Variants in EPS15 observed in about 807,000 individuals in gnomAD.
EPS15 encodes epidermal growth factor receptor substrate 15.
Under a neutral mutation model 113.8 loss-of-function variants are expected in EPS15, and 72 were observed. The observed-to-expected ratio is 0.63, with a 90% CI of 0.52 to 0.77. EPS15 has a LOEUF of 0.77. EPS15 is among the 30% of genes least tolerant of loss of function. EPS15 has a pLI of 0.00. For missense variants in EPS15, 1,048 were observed against 1,045.8 expected (o/e 1.00, Z -0.03); for synonymous variants, 344 against 363.4 (o/e 0.95, Z 0.61).
At chr1:51,513,994 TCTCA>T (rs1288694674) in intron 1 of EPS15, among the ~76,000 whole-genome samples, 6 of 152,132 alleles carry the variant, frequency 3.9e-5, no homozygotes, top group African/African-American at 1.4e-4. Context: ...AGGAATACAT[TCTCA>T]CTGTTGAAAA....
Position 51,495,516 on chromosome 1 carries a change from C to T in EPS15, c.34-14202G>A, listed in dbSNP as rs574312602. On this transcript the variant is annotated intron_variant, in intron 1 of 24. Transcript: ENST00000371733. Reference sequence around the variant, plus strand: ...AATTCTTTTTATACTATAGACCTAACATTTTAAGAAATATGCCCATACAAA... The same window carrying T: ...AATTCTTTTTATACTATAGACCTAATATTTTAAGAAATATGCCCATACAAA... Among the ~76,000 whole-genome samples, 39 of 151,980 alleles carry T rather than the reference C, an allele frequency of 2.6e-4. No individual in the cohort carries two copies. The Middle Eastern group carries it at 0.01, about 40-fold the overall frequency.
At chr1:51,357,059 T>A (rs192658350) in intron 24 of EPS15, among the ~76,000 whole-genome samples, 106 of 152,028 alleles carry the variant, frequency 7.0e-4, no homozygotes, top group African/African-American at 2.5e-3. Context: ...AATCTATAGA[T>A]AGAAAGTCTA....
Position 51,426,995 on chromosome 1 carries a change from T to C in EPS15, c.1041-5137A>G, listed in dbSNP as rs564989715. ...CTTTACTCTTCCAATTATATAGGGG[T>C]CATCAAATTCTTTTTGCCTAAACCA... On this transcript the variant is annotated intron_variant, in intron 12 of 24. Coordinates refer to ENST00000371733, the MANE Select transcript of EPS15 (RefSeq NM_001981.3). 9.9e-5 allele frequency among the ~76,000 whole-genome samples: 15 copies of C among 151,960 alleles called. No individual in the cohort carries two copies. The East Asian group carries it at 2.9e-3, about 29-fold the overall frequency.
chr1:51,384,302 T>TC (rs1341980590), intron 21 of EPS15, among the ~76,000 whole-genome samples: 1 of 144,000 alleles, frequency 6.9e-6, no homozygotes, highest in Non-Finnish European at 1.5e-5. Context: ...TTCTTTCTTT[T>TC]TTTTTTTTTT....
intron 21 of EPS15, among the ~76,000 whole-genome samples, chr1:51,375,271 G>T (rs1646771300): frequency 6.6e-6 from 1 of 152,052 alleles, no homozygotes; most frequent in Admixed American, 6.6e-5. Flanking sequence ...AAACTGCTGG[G>T]ATTACAGGCG....
chr1:51,463,960 C>T (rs1255816972), intron 6 of EPS15, among the ~76,000 whole-genome samples, 162 bp from the exon 7 acceptor site: 5 of 152,018 alleles, frequency 3.3e-5, no homozygotes, highest in Non-Finnish European at 7.4e-5. Context: ...TGTAAAGATA[C>T]GCAAGAAAAA....
intron 11 of EPS15, among the ~76,000 whole-genome samples, chr1:51,442,746 C>T (rs1029224642): frequency 1.3e-5 from 2 of 151,956 alleles, no homozygotes; most frequent in African/African-American, 2.4e-5. Flanking sequence ...AATAAAAAAC[C>T]TCTCATTTCA....
chr1:51,490,736 G>A (rs1332961105), intron 1 of EPS15, among the ~76,000 whole-genome samples: 1 of 152,024 alleles, frequency 6.6e-6, no homozygotes, highest in Non-Finnish European at 1.5e-5. Flanking sequence ...GTAACACAAA[G>A]GATCTTTGTG....
chr1:51,485,724 G>T (rs1303567050), intron 1 of EPS15, among the ~76,000 whole-genome samples: 2 of 152,188 alleles, frequency 1.3e-5, no homozygotes, highest in African/African-American at 4.8e-5. Context: ...CAAATTAAAT[G>T]AGAGTTCAAA....
chr1:51,405,734 T>C (rs1649052901), intron 16 of EPS15, among the ~76,000 whole-genome samples, 171 bp downstream of exon 16: 1 of 150,450 alleles, frequency 6.6e-6, no homozygotes, highest in African/African-American at 2.5e-5. Context: ...TATCTTTTTA[T>C]ACTAGTTAAA....
intron 1 of EPS15, among the ~76,000 whole-genome samples, chr1:51,500,187 T>C (rs1644387730): frequency 6.6e-6 from 1 of 152,220 alleles, no homozygotes; most frequent in African/African-American, 2.4e-5. Context: ...GTTTACTCAT[T>C]CATCTGTCAA....
Position 51,463,762 on chromosome 1 carries a change from T to G in EPS15, c.412A>C (p.Ser138Arg), listed in dbSNP as rs1299807346. The G allele has an allele frequency of 6.2e-7, 1 of 1,602,836 alleles. No individual in the cohort carries two copies. The highest frequency in any genetic ancestry group is 1.3e-5 in the African/African-American group (1 of 74,686). Reference sequence around the variant, plus strand: ...AGAAATCCATTCACTGGGCTTAAACTATCAAATATTGCATCATATTTGGCC... The same window carrying G: ...AGAAATCCATTCACTGGGCTTAAACGATCAAATATTGCATCATATTTGGCC... Reference protein sequence around the residue: ...DKAKYDAIFDSLSPVNGFLSG... With the variant: ...DKAKYDAIFDRLSPVNGFLSG... The change falls in exon 7 of 25, where the codon AGT (serine) becomes CGT (arginine). Residue 138 changes from serine (S) to arginine (R), a missense_variant. Transcript: ENST00000371733.
intron 24 of EPS15, 88 bp from the exon 25 acceptor site, chr1:51,356,934 C>G (rs1305168322): frequency 9.1e-7 from 1 of 1,098,704 alleles, no homozygotes; most frequent in Non-Finnish European, 1.3e-6. Flanking sequence ...CAAAAGGACA[C>G]CTGAAGGACT....
chr1:51,451,774 C>A (rs1296990654), intron 8 of EPS15, among the ~76,000 whole-genome samples: 1 of 152,136 alleles, frequency 6.6e-6, no homozygotes, highest in Non-Finnish European at 1.5e-5. Context: ...ACCTTCAACA[C>A]TTTCAGAGCA....
intron 1 of EPS15, among the ~76,000 whole-genome samples, chr1:51,485,090 GCAGA>G (rs1357472907): frequency 6.6e-6 from 1 of 152,226 alleles, no homozygotes; most frequent in African/African-American, 2.4e-5. Flanking sequence ...AAATAGATGG[GCAGA>G]CAATTTGCAG....
chr1:51,445,529 A>G (rs368682219), intron 10 of EPS15, among the ~76,000 whole-genome samples: 16 of 152,204 alleles, frequency 1.1e-4, no homozygotes, highest in African/African-American at 3.6e-4. Context: ...AAAGCAGAAT[A>G]AACAGCTGCA....
chr1:51,446,417 T>G (rs1467326668), intron 10 of EPS15, among the ~76,000 whole-genome samples: 1 of 152,132 alleles, frequency 6.6e-6, no homozygotes, highest in African/African-American at 2.4e-5. Flanking sequence ...AAGCTGGATT[T>G]TAACATTCTA....
intron 1 of EPS15, among the ~76,000 whole-genome samples, chr1:51,488,471 G>GT (rs1553135617): frequency 4.5e-5 from 3 of 66,980 alleles, no homozygotes; most frequent in Non-Finnish European, 6.4e-5. Context: ...ATAAAGTTTT[G>GT]TAAAAAAAAA....
chr1:51,426,837 CTA>C (rs1553124706), intron 12 of EPS15, among the ~76,000 whole-genome samples: 2 of 143,568 alleles, frequency 1.4e-5, no homozygotes, highest in African/African-American at 5.3e-5. Context: ...CTCTCTCTCT[CTA>C]TATATATATA....
Sources: allele counts gnomAD v4.1 joint callset (sites outside exome capture counted in the v4.1 genomes callset), GRCh38; gene constraint gnomAD v4.1.1; transcripts MANE v1.5; gene names NCBI Gene and HGNC (gene_info 2026-07-23, HGNC 2026-07-21).